Variants in FSD1L observed in about 807,000 individuals in gnomAD.
FSD1L encodes FSD1-like protein.
FSD1L carries 45 observed loss-of-function variants against 71.6 expected under a neutral mutation model. That is an observed-to-expected ratio of 0.63 (90% CI 0.49 to 0.81). The LOEUF (loss-of-function observed/expected upper bound fraction) is 0.81. Ranked by LOEUF, FSD1L falls within the 30% of genes least tolerant of loss-of-function variation. The probability of loss-of-function intolerance (pLI) is 0.00; values close to 1 mark genes in which losing one functional copy is unlikely to be tolerated. For synonymous variants in FSD1L, 197 were observed against 207.2 expected (o/e 0.95, Z 0.42); for missense variants, 561 against 618.1 (o/e 0.91, Z 0.98).
intron 11 of FSD1L, 133 bp downstream of exon 11, chr9:105,534,726 TAATTAC>T: frequency 1.6e-6 from 1 of 617,858 alleles, no homozygotes; most frequent in East Asian, 2.8e-5. Flanking sequence ...AATTGAAGCC[TAATTAC>T]TTTGGGGAGT....
intron 5 of FSD1L, among the ~76,000 whole-genome samples, chr9:105,477,563 C>T (rs1397687194): frequency 6.6e-6 from 1 of 152,152 alleles, no homozygotes; most frequent in African/African-American, 2.4e-5. Flanking sequence ...TAAGTCATAT[C>T]ATTTTCCTAG....
At chr9:105,543,901 A>T (rs1836801635) in intron 13 of FSD1L, among the ~76,000 whole-genome samples, 1 of 152,176 alleles carries the variant, frequency 6.6e-6, no homozygotes, top group South Asian at 2.1e-4. Flanking sequence ...ATACATGTGC[A>T]TGTGTCTTTA....
chr9:105,517,309 C>G (rs1017351044), intron 10 of FSD1L, among the ~76,000 whole-genome samples: 4 of 152,132 alleles, frequency 2.6e-5, no homozygotes, highest in African/African-American at 9.6e-5. Context: ...CATTCAAATT[C>G]AAGAAATACA....
At chr9:105,534,628 G>A in intron 11 of FSD1L, 35 bp downstream of exon 11, 1 of 1,221,676 alleles carries the variant, frequency 8.2e-7, no homozygotes, top group Non-Finnish European at 1.2e-6. Flanking sequence ...CATTATCTCA[G>A]ATTAAAGGCA....
chr9:105,508,805 G>A (rs1589041852), intron 9 of FSD1L, 90 bp downstream of exon 9: 1 of 716,306 alleles, frequency 1.4e-6, no homozygotes, highest in Non-Finnish European at 2.3e-6. Flanking sequence ...TTCATGTGAT[G>A]TTGAATTACT....
At chr9:105,533,845 T>G (rs1051012059) in intron 10 of FSD1L, among the ~76,000 whole-genome samples, 2 of 151,814 alleles carry the variant, frequency 1.3e-5, no homozygotes, top group Admixed American at 1.3e-4. Flanking sequence ...TGCCTCAGCC[T>G]CCCGAGTAGC....
intron 1 of FSD1L, among the ~76,000 whole-genome samples, chr9:105,450,534 C>CTTTTTTTTTTTTTTTTTTTTTTTTTTTT (rs35115121): frequency 2.2e-5 from 3 of 137,934 alleles, no homozygotes; most frequent in African/African-American, 8.0e-5. Flanking sequence ...GGATTGTGTT[C>CTTTTTTTTTTTTTTTTTTTTTTTTTTTT]TTTTTTTTTT....
chr9:105,524,629 T>A, intron 10 of FSD1L: 1 of 1,613,942 alleles, frequency 6.2e-7, no homozygotes, highest in Non-Finnish European at 8.5e-7. Flanking sequence ...TTGGCATCTG[T>A]AGATTATGAT....
chr9:105,482,954 T>C (rs1264368390), intron 6 of FSD1L, among the ~76,000 whole-genome samples: 3 of 152,232 alleles, frequency 2.0e-5, no homozygotes, highest in African/African-American at 7.2e-5. Flanking sequence ...AGTGAGCATT[T>C]AGTAAGTACG....
intron 7 of FSD1L, among the ~76,000 whole-genome samples, chr9:105,496,170 C>T (rs1386661429): frequency 1.4e-5 from 2 of 144,146 alleles, no homozygotes; most frequent in Non-Finnish European, 1.5e-5. Flanking sequence ...TTTGTCTCTT[C>T]TTTCACCAGT....
At chr9:105,526,968 G>A (rs1232667796) in intron 10 of FSD1L, among the ~76,000 whole-genome samples, 2 of 149,562 alleles carry the variant, frequency 1.3e-5, no homozygotes, top group Non-Finnish European at 3.0e-5. Context: ...TAAAGTTACA[G>A]CAAAAGATGT....
At chr9:105,450,838 T>G (rs1180719867) in intron 1 of FSD1L, among the ~76,000 whole-genome samples, 8 of 152,040 alleles carry the variant, frequency 5.3e-5, no homozygotes, top group African/African-American at 1.9e-4. Flanking sequence ...TGCCCGGTCT[T>G]GCATTCATTT....
At chr9:105,447,324 C>CAAAAAAAAAAAAAAAA (rs35514046), upstream of FSD1L, among the ~76,000 whole-genome samples, 1 of 61,556 alleles carries the variant, frequency 1.6e-5, no homozygotes. Context: ...ACTCCATCTC[C>CAAAAAAAAAAAAAAAA]AAAAAAAAAA....
At chr9:105,544,713 G>T (rs1435225865) in intron 13 of FSD1L, among the ~76,000 whole-genome samples, 1 of 151,978 alleles carries the variant, frequency 6.6e-6, no homozygotes, top group Non-Finnish European at 1.5e-5. Flanking sequence ...TTTTTGTCAG[G>T]TTTGTCAAAG....
At chr9:105,510,988 C>CT (rs374059344) in intron 9 of FSD1L, among the ~76,000 whole-genome samples, 34,913 of 140,614 alleles carry the variant, frequency 0.25, 4,486 homozygotes, top group Non-Finnish European at 0.32. Context: ...TGAGGCTAGT[C>CT]TTTTTTTTTT....
At chr9:105,489,212 T>G (rs1427340488) in intron 7 of FSD1L, among the ~76,000 whole-genome samples, 2 of 152,114 alleles carry the variant, frequency 1.3e-5, no homozygotes, top group African/African-American at 4.8e-5. Flanking sequence ...CTCCCACCTA[T>G]TAGGTAAAAT....
chr9:105,518,291 C>T (rs1360546600), intron 10 of FSD1L, among the ~76,000 whole-genome samples: 1 of 152,200 alleles, frequency 6.6e-6, no homozygotes, highest in Non-Finnish European at 1.5e-5. Context: ...GACTTGAACT[C>T]AGCTCTGGAT....
At chr9:105,537,495 CTG>C (rs1836342502) in intron 12 of FSD1L, among the ~76,000 whole-genome samples, 2 of 151,852 alleles carry the variant, frequency 1.3e-5, no homozygotes, top group African/African-American at 4.8e-5. Context: ...TTCCCATACT[CTG>C]TGAGTCCATA....
Position 105,535,251 on chromosome 9 carries a change from T to A in FSD1L, c.1311T>A (p.Asn437Lys), listed in dbSNP as rs1157768235. Reference protein sequence around the residue: ...WLQNTFAAKHNNKVKALDVTV... With the variant: ...WLQNTFAAKHKNKVKALDVTV... ...AAAACACATTTGCAGCAAAGCATAA[T>A]AATAAAGTCAAAGCTTTGGATGTTA... Residue 437 changes from asparagine to lysine, a missense_variant, in exon 12 of 14, where the codon AAT (asparagine) becomes AAA (lysine). This residue lies in a region of FSD1L where 53 missense variants were observed against 102.2 expected (regional missense o/e 0.52). Coordinates refer to ENST00000481272, the MANE Select transcript of FSD1L (RefSeq NM_001145313.3). 2 of 1,551,692 alleles carry A rather than the reference T, an allele frequency of 1.3e-6. No individual in the cohort carries two copies. The highest frequency in any genetic ancestry group is 3.9e-5 in the Admixed American group (2 of 51,000).
Sources: allele counts gnomAD v4.1 joint callset (sites outside exome capture counted in the v4.1 genomes callset), GRCh38; gene constraint gnomAD v4.1.1; regional missense constraint gnomAD v4.1.1; transcripts MANE v1.5; gene names NCBI Gene and HGNC (gene_info 2026-07-23, HGNC 2026-07-21).